TMEM131L: variants seen among roughly 807,000 people sequenced by gnomAD.
TMEM131L encodes the protein transmembrane protein 131-like.
In TMEM131L, 54 loss-of-function variants were observed where a neutral mutation model predicts 192.2. That is an observed-to-expected ratio of 0.28 (90% CI 0.23 to 0.35). TMEM131L has a LOEUF of 0.35. Ranked by LOEUF, TMEM131L falls within the 10% of genes least tolerant of loss-of-function variation. The probability of loss-of-function intolerance (pLI) is 1.00; values close to 1 mark genes in which losing one functional copy is unlikely to be tolerated. For synonymous variants in TMEM131L, 701 were observed against 704.9 expected, an observed-to-expected ratio of 0.99 and a Z score of 0.09; for missense variants, 1,888 against 1,972.9, an observed-to-expected ratio of 0.96 and a Z score of 0.82.
chr4:153,487,574 A>C (rs1253271756), intron 3 of TMEM131L, among the ~76,000 whole-genome samples: 3 of 152,156 alleles, frequency 2.0e-5, no homozygotes, highest in Non-Finnish European at 2.9e-5. Flanking sequence ...GTTTGGCAGA[A>C]AACCTTGGCC....
At chr4:153,484,818 AT>A (rs796516333) in intron 3 of TMEM131L, among the ~76,000 whole-genome samples, 34 of 146,142 alleles carry the variant, frequency 2.3e-4, no homozygotes, top group African/African-American at 8.1e-4. Context: ...TTCTTTGGAA[AT>A]TAAAAAAAAA....
intron 3 of TMEM131L, among the ~76,000 whole-genome samples, chr4:153,519,939 GT>G (rs1273097597): frequency 1.3e-5 from 2 of 152,192 alleles, no homozygotes; most frequent in Non-Finnish European, 2.9e-5. Context: ...AACTGCCAGG[GT>G]AAAGCCCAGT....
intron 28 of TMEM131L, among the ~76,000 whole-genome samples, chr4:153,622,475 C>T (rs997226136): frequency 1.5e-4 from 23 of 152,176 alleles, no homozygotes; most frequent in African/African-American, 5.1e-4. Flanking sequence ...GTGTGTGTTG[C>T]TTTTGGTCTT....
intron 3 of TMEM131L, among the ~76,000 whole-genome samples, chr4:153,524,326 C>T (rs758235364): frequency 2.0e-5 from 3 of 152,168 alleles, no homozygotes; most frequent in East Asian, 1.9e-4. Flanking sequence ...TTGTGTGTGT[C>T]GGTTGAGGCC....
intron 4 of TMEM131L, among the ~76,000 whole-genome samples, chr4:153,551,700 G>T (rs534300399): frequency 3.0e-4 from 46 of 152,124 alleles, no homozygotes; most frequent in Admixed American, 1.6e-3. Flanking sequence ...TTTAGAAAAA[G>T]ATTCTATAAA....
At chr4:153,514,901 C>T (rs984594069) in intron 3 of TMEM131L, among the ~76,000 whole-genome samples, 2 of 152,038 alleles carry the variant, frequency 1.3e-5, no homozygotes, top group Non-Finnish European at 2.9e-5. Flanking sequence ...CAACTTCCGC[C>T]TCCTGGGTTC....
intron 3 of TMEM131L, among the ~76,000 whole-genome samples, chr4:153,543,079 T>C (rs1736915018): frequency 6.6e-6 from 1 of 152,220 alleles, no homozygotes; most frequent in South Asian, 2.1e-4. Flanking sequence ...CAAGGACTTT[T>C]TGATTCCTCT....
chr4:153,631,606 C>T (rs927793701), intron 31 of TMEM131L, among the ~76,000 whole-genome samples: 2 of 152,204 alleles, frequency 1.3e-5, no homozygotes, highest in Non-Finnish European at 2.9e-5. Flanking sequence ...GAGGCTTTTG[C>T]TTAGCAAACA....
chr4:153,571,279 G>C (rs1005739486), intron 7 of TMEM131L, among the ~76,000 whole-genome samples: 1 of 152,112 alleles, frequency 6.6e-6, no homozygotes, highest in African/African-American at 2.4e-5. Context: ...CTCCTTTAAT[G>C]GTTTCCTCTT....
chr4:153,570,870 C>T (rs774275232), intron 7 of TMEM131L, among the ~76,000 whole-genome samples: 11 of 152,176 alleles, frequency 7.2e-5, no homozygotes, highest in Non-Finnish European at 1.2e-4. Flanking sequence ...GTTGTTGACA[C>T]TTTGGAAGTG....
chr4:153,569,729 G>C (rs549304923), intron 7 of TMEM131L, among the ~76,000 whole-genome samples: 4 of 152,298 alleles, frequency 2.6e-5, no homozygotes, highest in African/African-American at 9.6e-5. Flanking sequence ...TAGCCCTTTC[G>C]GATAGGGTTG....
intron 3 of TMEM131L, among the ~76,000 whole-genome samples, chr4:153,520,097 A>C (rs1191763657): frequency 1.3e-5 from 2 of 152,114 alleles, no homozygotes. Flanking sequence ...GCTTTGAACA[A>C]ACACGGTCCA....
At chr4:153,533,300 T>A (rs190183482) in intron 3 of TMEM131L, among the ~76,000 whole-genome samples, 156 of 152,272 alleles carry the variant, frequency 1.0e-3, no homozygotes, top group African/African-American at 3.5e-3. Flanking sequence ...CTTAATTCTT[T>A]TATTTCCACA....
At chr4:153,509,830 T>C (rs1734232315) in intron 3 of TMEM131L, among the ~76,000 whole-genome samples, 1 of 152,210 alleles carries the variant, frequency 6.6e-6, no homozygotes, top group South Asian at 2.1e-4. Flanking sequence ...CTGATTATAT[T>C]GGCCCCACCC....
chr4:153,484,991 C>T (rs1384120479), intron 3 of TMEM131L, among the ~76,000 whole-genome samples: 25 of 149,574 alleles, frequency 1.7e-4, no homozygotes, highest in African/African-American at 5.4e-4. Flanking sequence ...TGGTGGCGGG[C>T]GCCTGTAGTC....
chr4:153,587,734 C>T lies in TMEM131L; in HGVS notation c.1483-8C>T, dbSNP rs1184645641. 1 of 1,593,616 alleles carries T rather than the reference C, an allele frequency of 6.3e-7. No individual in the cohort carries two copies. The highest frequency in any genetic ancestry group is 1.1e-5 in the South Asian group (1 of 90,648). ...TTTAAGTTATTCATATATTACTTTT[C>T]AATCTAGGAAGGGAGTCTGGGTTTT... On this transcript the variant is annotated splice_region_variant and splice_polypyrimidine_tract_variant and intron_variant, in intron 14 of 34. Transcript: ENST00000409959.
Position 153,584,956 on chromosome 4 carries a change from A to T in TMEM131L, c.1157+25A>T, listed in dbSNP as rs139025207. On this transcript the variant is annotated intron_variant, in intron 12 of 34. Transcript: ENST00000409959. ...GGTAGGTTACTTCCACTTTCCCTGA[A>T]ATCTTGTATGGTTGTTGTTGTTGTT... The T allele has an allele frequency of 1.0e-4, 155 of 1,502,428 alleles. No homozygotes were observed. In the East Asian group the frequency reaches 3.0e-3, roughly 29 times the overall value. 93.1% of individuals were successfully genotyped at this position (1,502,428 alleles called of 1,614,324 possible). A position where few individuals can be genotyped will look rare whatever the true frequency, so the allele number is the denominator to read the frequency against.
intron 3 of TMEM131L, among the ~76,000 whole-genome samples, chr4:153,498,488 C>T (rs1295628778): frequency 6.6e-6 from 1 of 152,166 alleles, no homozygotes; most frequent in African/African-American, 2.4e-5. Flanking sequence ...ATAGAGGCTG[C>T]ACATTCTTTA....
intron 3 of TMEM131L, among the ~76,000 whole-genome samples, chr4:153,536,714 A>G (rs62324748): frequency 6.2e-5 from 9 of 146,054 alleles, no homozygotes; most frequent in South Asian, 2.2e-4. Context: ...CTGTCTGTCT[A>G]TCTATCTCCC....
Sources: gnomAD v4.1 joint callset for allele counts (sites outside exome capture counted in the v4.1 genomes callset) on GRCh38, gnomAD v4.1.1 for gene constraint, MANE v1.5 for transcripts, NCBI Gene and HGNC (gene_info 2026-07-23, HGNC 2026-07-21) for gene names.